CUX1: variants seen among roughly 807,000 people sequenced by gnomAD.
CUX1 encodes cut like homeobox 1.
A neutral mutation model predicts 158.8 loss-of-function variants in CUX1; 31 were observed. That is an observed-to-expected ratio of 0.20 (90% CI 0.15 to 0.26). The LOEUF is 0.26. Ranked by LOEUF, CUX1 falls within the 10% of genes least tolerant of loss-of-function variation. The pLI is 1.00. For missense variants in CUX1, 1,589 were observed against 2,014.6 expected, an observed-to-expected ratio of 0.79 and a Z score of 4.04; for synonymous variants, 879 against 862.1, an observed-to-expected ratio of 1.02 and a Z score of -0.34.
chr7:102,225,090 G>A (rs1798212189), intron 20 of CUX1, among the ~76,000 whole-genome samples: 1 of 152,172 alleles, frequency 6.6e-6, no homozygotes, highest in Non-Finnish European at 1.5e-5. Context: ...CGGGGGGTGA[G>A]CAGAGAGAAG....
chr7:102,225,737 C>G (rs1478055187), intron 20 of CUX1, among the ~76,000 whole-genome samples: 2 of 152,226 alleles, frequency 1.3e-5, no homozygotes, highest in African/African-American at 4.8e-5. Context: ...AGTCTGCAGT[C>G]CCAGCTACTT....
chr7:102,216,655 TCTCCCACACACACTCA>T (rs1797182991), intron 20 of CUX1, among the ~76,000 whole-genome samples: 1 of 16,038 alleles, frequency 6.2e-5, no homozygotes, highest in Non-Finnish European at 1.6e-4. Context: ...ACACACACAC[TCTCCCACACACACTCA>T]CACACACACA....
At chr7:102,015,966 C>T (rs951341179) in intron 2 of CUX1, among the ~76,000 whole-genome samples, 9 of 152,168 alleles carry the variant, frequency 5.9e-5, no homozygotes, top group Non-Finnish European at 1.2e-4. Context: ...GCACATGCCA[C>T]TACACGTGGC....
chr7:101,992,729 G>T (rs1815303219), intron 2 of CUX1, among the ~76,000 whole-genome samples: 1 of 152,184 alleles, frequency 6.6e-6, no homozygotes, highest in Non-Finnish European at 1.5e-5. Flanking sequence ...CATACTGTTA[G>T]CAGGGGTGCA....
At chr7:102,030,747 G>A (rs1820697179) in intron 3 of CUX1, among the ~76,000 whole-genome samples, 1 of 124,702 alleles carries the variant, frequency 8.0e-6, no homozygotes, top group South Asian at 2.5e-4. Flanking sequence ...GTGCAGTGGT[G>A]CCATCATGGT....
At chr7:101,949,032 A>G (rs1415547707) in intron 2 of CUX1, among the ~76,000 whole-genome samples, 1 of 152,192 alleles carries the variant, frequency 6.6e-6, no homozygotes, top group Non-Finnish European at 1.5e-5. Flanking sequence ...TGGCATTTTA[A>G]TTTTATTTTA....
Position 101,821,674 on chromosome 7 carries a change from T to TC in CUX1, c.30+4005_30+4006insC, listed in dbSNP as rs1165276165. On this transcript the variant is annotated intron_variant, in intron 1 of 23. Transcript: ENST00000292535. Reference sequence around the variant, plus strand: ...TTCTTTTCTTTTTTTCTTTTTTCTTTTTTTTTTTTTTTTTTTTTTTTTTGA... The same window carrying TC: ...TTCTTTTCTTTTTTTCTTTTTTCTTTCTTTTTTTTTTTTTTTTTTTTTTTGA... Among the ~76,000 whole-genome samples, 220 of 91,206 alleles carry TC rather than the reference T, an allele frequency of 2.4e-3. 5 individuals carry two copies. Among genetic ancestry groups the TC allele is most frequent in the African/African-American group, 0.01 (209 of 19,928 alleles). The allele number at this position is 91,206 out of a possible 152,430, so 59.8% of individuals were successfully genotyped here.
At chr7:102,034,488 C>T (rs1175326052) in intron 3 of CUX1, among the ~76,000 whole-genome samples, 2 of 152,140 alleles carry the variant, frequency 1.3e-5, no homozygotes, top group African/African-American at 4.8e-5. Context: ...GGCACTGTGG[C>T]TCACACCTGT....
chr7:102,244,219 G>A (rs938487544), intron 23 of CUX1, among the ~76,000 whole-genome samples: 3 of 151,830 alleles, frequency 2.0e-5, no homozygotes, highest in African/African-American at 7.3e-5. Context: ...AACCAAGAAC[G>A]TAGTTTTTTA....
chr7:102,273,454 C>A (rs781967654), exon 15 of CUX1: 1 of 1,613,522 alleles, frequency 6.2e-7, no homozygotes, highest in African/African-American at 1.3e-5. Context: ...TGGAGCAGGA[C>A]CTGAGCATCA....
chr7:102,262,169 C>T (rs1420510631), downstream of CUX1, among the ~76,000 whole-genome samples: 5 of 151,978 alleles, frequency 3.3e-5, no homozygotes, highest in East Asian at 1.9e-4. Flanking sequence ...CTTTGGGAGC[C>T]GAGGCGGGTG....
chr7:102,256,495 G>T lies in CUX1; in HGVS notation c.*7453G>T. The T allele has an allele frequency of 2.0e-6, 2 of 985,370 alleles. No individual in the cohort carries two copies. The highest frequency in any genetic ancestry group is 2.4e-6 in the Non-Finnish European group (2 of 829,926). The allele number at this position is 985,370 out of a possible 1,614,324, so 61.0% of individuals were successfully genotyped here. On this transcript the variant is annotated 3_prime_UTR_variant, in exon 24 of 24. Transcript: ENST00000292535. The stretch of plus-strand genomic sequence containing the variant: ...TCCCCCAGAGAACCAAGGCGTCTGG[G>T]GGATTGACTGGGGGGCAGAGGGGGT...
intron 3 of CUX1, among the ~76,000 whole-genome samples, chr7:102,061,845 G>A (rs753827303): frequency 9.2e-5 from 14 of 152,152 alleles, no homozygotes; most frequent in South Asian, 2.1e-4. Flanking sequence ...CACTGTGCCC[G>A]GCACTGTATG....
At chr7:102,073,187 T>TTTC (rs1826345786) in intron 4 of CUX1, among the ~76,000 whole-genome samples, 1 of 125,118 alleles carries the variant, frequency 8.0e-6, no homozygotes, top group Non-Finnish European at 1.7e-5. Flanking sequence ...TTTTTTTTTT[T>TTTC]TTCTGAGACA....
chr7:102,160,648 C>T (rs781811642), intron 9 of CUX1, among the ~76,000 whole-genome samples: 16 of 152,028 alleles, frequency 1.1e-4, no homozygotes, highest in Non-Finnish European at 2.4e-4. Flanking sequence ...GAAAAGTGAA[C>T]CTTGAGGCCA....
intron 2 of CUX1, among the ~76,000 whole-genome samples, chr7:101,918,093 G>T (rs747391186): frequency 2.6e-5 from 4 of 152,232 alleles, no homozygotes; most frequent in African/African-American, 9.6e-5. Context: ...ATAAATACAC[G>T]AGTGTATTCA....
intron 3 of CUX1, among the ~76,000 whole-genome samples, chr7:102,049,243 G>T (rs1007880205): frequency 6.6e-6 from 1 of 152,190 alleles, no homozygotes; most frequent in Non-Finnish European, 1.5e-5. Context: ...GCAGCCCTTT[G>T]GGCAGATGAA....
chr7:102,114,170 C>T (rs11975153), intron 7 of CUX1, among the ~76,000 whole-genome samples: 34,581 of 152,150 alleles, frequency 0.23, 4,357 homozygotes, highest in Non-Finnish European at 0.29. Flanking sequence ...ATATTCATAC[C>T]GTCCCATTTA....
chr7:102,062,658 C>T (rs1408616421), intron 3 of CUX1, among the ~76,000 whole-genome samples: 3 of 152,156 alleles, frequency 2.0e-5, no homozygotes, highest in African/African-American at 7.2e-5. Flanking sequence ...CCACCACACC[C>T]ACCCAGCCAA....
Sources: allele counts gnomAD v4.1 joint callset (sites outside exome capture counted in the v4.1 genomes callset), GRCh38; gene constraint gnomAD v4.1.1; transcripts MANE v1.5; gene names NCBI Gene and HGNC (gene_info 2026-07-23, HGNC 2026-07-21).